Variants in FAAH2 observed in about 807,000 individuals in gnomAD.
FAAH2 encodes fatty-acid amide hydrolase 2.
FAAH2 carries 60 observed loss-of-function variants against 36.9 expected under a neutral mutation model. The ratio of observed to expected loss-of-function variants is 1.63; its 90% CI spans 1.32 to 2.02. The LOEUF is 2.02. Ranked by LOEUF, FAAH2 falls within the 30% of genes most tolerant of loss-of-function variation. The pLI, the probability that FAAH2 is intolerant of heterozygous loss-of-function variation, is 0.00. For synonymous variants in FAAH2, 214 were observed against 143.8 expected (o/e 1.49, Z -3.49); for missense variants, 689 against 397.5 (o/e 1.73, Z -6.23).
At chrX:57,172,730 G>A in the FAAH2 span, among the ~76,000 whole-genome samples, 1 of 111,679 alleles carries the variant, frequency 9.0e-6, no homozygotes, top group South Asian at 3.8e-4. Context: ...CAGTGGCCTG[G>A]GCTCTCCTCC....
At chrX:57,156,268 T>A in the FAAH2 span, among the ~76,000 whole-genome samples, 1 of 112,042 alleles carries the variant, frequency 8.9e-6, no homozygotes, top group African/African-American at 3.2e-5. Flanking sequence ...TCTGATGGAA[T>A]TCTGAATACC....
intron 7 of FAAH2, among the ~76,000 whole-genome samples, chrX:57,429,128 G>C (rs1352553066): frequency 9.1e-6 from 1 of 109,901 alleles, no homozygotes; most frequent in African/African-American, 3.3e-5. Context: ...GAGGTCAGGA[G>C]ATCGAGACCA....
At chrX:57,455,808 G>C (rs2056855500) in intron 10 of FAAH2, among the ~76,000 whole-genome samples, 1 of 112,061 alleles carries the variant, frequency 8.9e-6, no homozygotes, top group South Asian at 3.6e-4. Context: ...CATAAAGGAA[G>C]TTCTTCCTAA....
At chrX:57,450,333 C>A (rs1174959483) in intron 10 of FAAH2, among the ~76,000 whole-genome samples, 1 of 109,272 alleles carries the variant, frequency 9.2e-6, no homozygotes, top group Non-Finnish European at 1.9e-5. Context: ...TATGTTTCCC[C>A]CAAATCCCTC....
At chrX:57,264,240 T>G in the FAAH2 span, among the ~76,000 whole-genome samples, 8 of 112,195 alleles carry the variant, frequency 7.1e-5, no homozygotes, top group South Asian at 3.7e-4. Flanking sequence ...ATGAAAAACT[T>G]TTGTTTTGTG....
intron 7 of FAAH2, among the ~76,000 whole-genome samples, chrX:57,388,259 T>C (rs2055075381): frequency 1.8e-5 from 2 of 111,645 alleles, no homozygotes; most frequent in African/African-American, 6.5e-5. Flanking sequence ...GGGAGCTTTT[T>C]TGATTTTGTA....
intron 10 of FAAH2, among the ~76,000 whole-genome samples, chrX:57,464,743 G>A (rs1255339332): frequency 9.0e-6 from 1 of 111,026 alleles, no homozygotes; most frequent in African/African-American, 3.3e-5. Flanking sequence ...TGGGTACTAT[G>A]TTTATGACCT....
chrX:57,381,909 G>T (rs969176525), intron 7 of FAAH2, among the ~76,000 whole-genome samples: 9 of 111,256 alleles, frequency 8.1e-5, no homozygotes, highest in African/African-American at 2.9e-4. Context: ...TTCCAAAATT[G>T]ACCACATAGT....
intron 5 of FAAH2, among the ~76,000 whole-genome samples, chrX:57,376,821 T>C (rs2054693378): frequency 8.9e-6 from 1 of 112,264 alleles, no homozygotes; most frequent in African/African-American, 3.2e-5. Context: ...GCATCTATTG[T>C]ATCCTGACTT....
chrX:57,437,540 T>A (rs1305531583), intron 8 of FAAH2, among the ~76,000 whole-genome samples: 1 of 109,338 alleles, frequency 9.1e-6, no homozygotes, highest in Non-Finnish European at 1.9e-5. Flanking sequence ...AGTTTCAGGA[T>A]ACAAAATACA....
At chrX:57,209,279 T>C in the FAAH2 span, among the ~76,000 whole-genome samples, 2 of 112,264 alleles carry the variant, frequency 1.8e-5, no homozygotes, top group Admixed American at 9.4e-5. Context: ...CAGCTTAGAA[T>C]GTTCTGAGTT....
chrX:57,171,836 G>A, the FAAH2 span, among the ~76,000 whole-genome samples: 1 of 111,697 alleles, frequency 9.0e-6, no homozygotes, highest in Non-Finnish European at 1.9e-5. Flanking sequence ...TATTTGCCTA[G>A]ACTGATGTGC....
the FAAH2 span, among the ~76,000 whole-genome samples, chrX:57,205,881 AT>A: frequency 2.6e-3 from 296 of 111,755 alleles, no homozygotes; most frequent in African/African-American, 9.0e-3. Context: ...AAGGACAATA[AT>A]TTTTTCAGGA....
At chrX:57,350,585 G>A (rs1415842321) in intron 5 of FAAH2, among the ~76,000 whole-genome samples, 2 of 110,413 alleles carry the variant, frequency 1.8e-5, no homozygotes, top group African/African-American at 3.3e-5. Context: ...GGTAAAAAAC[G>A]ATCTAACCAA....
intron 10 of FAAH2, among the ~76,000 whole-genome samples, chrX:57,468,813 G>A (rs750030855): frequency 1.6e-4 from 18 of 111,524 alleles, no homozygotes; most frequent in Non-Finnish European, 3.0e-4. Context: ...CACCAATGTT[G>A]AAATGAAGGA....
intron 5 of FAAH2, 50 bp from the exon 6 acceptor site, chrX:57,378,601 A>G: frequency 8.4e-7 from 1 of 1,194,160 alleles, no homozygotes; most frequent in Non-Finnish European, 1.1e-6. Flanking sequence ...TACAACATGC[A>G]GGGATCATGT....
At chrX:57,147,692 G>T in the FAAH2 span, among the ~76,000 whole-genome samples, 1 of 111,648 alleles carries the variant, frequency 9.0e-6, no homozygotes, top group South Asian at 3.7e-4. Flanking sequence ...TTTGACGTAG[G>T]TTAACGCTAT....
At chrX:57,419,597 C>T (rs1174499583) in intron 7 of FAAH2, among the ~76,000 whole-genome samples, 2 of 111,281 alleles carry the variant, frequency 1.8e-5, no homozygotes, top group Admixed American at 9.6e-5. Context: ...TGTTTGAGTT[C>T]ATTGTAGATT....
At position 57,442,903 on chromosome X, in the gene FAAH2, A is replaced by C. The variant is rs754101432; in HGVS notation, c.1117-4025A>C. ...TGGCTGGATATGAAATTCTGGTTTG[A>C]AAATTCTTTTCTTTAAGAATGTTGA... On this transcript the variant is annotated intron_variant, in intron 8 of 10. Coordinates refer to ENST00000374900, the MANE Select transcript of FAAH2 (RefSeq NM_174912.4). Among the ~76,000 whole-genome samples, 12 of 111,124 alleles carry C rather than the reference A, an allele frequency of 1.1e-4. No homozygotes were observed. The East Asian group carries it at 3.4e-3, about 32-fold the overall frequency.
Sources: allele counts gnomAD v4.1 joint callset (sites outside exome capture counted in the v4.1 genomes callset), GRCh38; gene constraint gnomAD v4.1.1; transcripts MANE v1.5; gene names NCBI Gene and HGNC (gene_info 2026-07-23, HGNC 2026-07-21).